The following GPR160 variants were observed in gnomAD, a reference collection of about 807,000 sequenced individuals.
GPR160 encodes G protein-coupled receptor 160, also known as probable G protein-coupled receptor 160.
A neutral mutation model predicts 2.6 loss-of-function variants in GPR160; 2 were observed. The ratio of observed to expected loss-of-function variants is 0.77; its 90% CI spans 0.32 to 2.44. GPR160 has a LOEUF of 2.44. GPR160 is among the 30% of genes most tolerant of loss of function. GPR160 has a pLI of 0.11. For synonymous variants in GPR160, 130 were observed against 132.2 expected, an observed-to-expected ratio of 0.98 and a Z score of 0.12; for missense variants, 351 against 383.6, an observed-to-expected ratio of 0.91 and a Z score of 0.71.
chr3:170,040,758 G>A (rs1443914851), intron 2 of GPR160, among the ~76,000 whole-genome samples: 2 of 152,182 alleles, frequency 1.3e-5, no homozygotes, highest in Non-Finnish European at 2.9e-5. Context: ...TGTATATGAT[G>A]AAAACAAAGC....
chr3:170,066,234 G>T (rs1303451039), intron 2 of GPR160, among the ~76,000 whole-genome samples: 1 of 132,156 alleles, frequency 7.6e-6, no homozygotes, highest in South Asian at 2.6e-4. Flanking sequence ...TCTGCCTCCC[G>T]GGTTCACGCC....
chr3:170,064,106 G>T lies in GPR160; in HGVS notation c.-192-15668G>T, dbSNP rs984547561. On this transcript the variant is annotated intron_variant, in intron 2 of 3. Transcript: ENST00000355897. ...GAAGCGGCTGTATTTTTTTGGGGGG[G>T]GCATTGCTTTTGTTTTTGTAGAAGA... 8.5e-5 allele frequency among the ~76,000 whole-genome samples: 13 copies of T among 152,154 alleles called. No homozygotes were observed. The South Asian group carries it at 2.7e-3, about 32-fold the overall frequency.
chr3:170,070,423 A>G (rs979999858), intron 2 of GPR160, among the ~76,000 whole-genome samples: 1 of 152,144 alleles, frequency 6.6e-6, no homozygotes, highest in South Asian at 2.1e-4. Context: ...GTACTCTTCA[A>G]TTTCCACCTT....
intron 2 of GPR160, among the ~76,000 whole-genome samples, chr3:170,043,701 G>T (rs146296569): frequency 6.6e-6 from 1 of 152,056 alleles, no homozygotes; most frequent in Non-Finnish European, 1.5e-5. Flanking sequence ...GGTAGTCTAG[G>T]CAAACTATCT....
intron 3 of GPR160, among the ~76,000 whole-genome samples, chr3:170,080,669 CG>C (rs1713079116): frequency 6.6e-6 from 1 of 152,138 alleles, no homozygotes; most frequent in Non-Finnish European, 1.5e-5. Flanking sequence ...AATGATGAAA[CG>C]GGAACTTGGA....
At chr3:170,062,538 C>T (rs1289213376) in intron 2 of GPR160, 14 of 687,484 alleles carry the variant, frequency 2.0e-5, no homozygotes, top group Non-Finnish European at 3.7e-5. Context: ...GAAGCCCAAG[C>T]ACAGAAGATC....
At chr3:170,052,507 A>C (rs185317011) in intron 2 of GPR160, among the ~76,000 whole-genome samples, 1 of 152,240 alleles carries the variant, frequency 6.6e-6, no homozygotes, top group Admixed American at 6.5e-5. Flanking sequence ...TTTGTTTGCT[A>C]TTGGCCATTT....
At position 170,084,076 on chromosome 3, in the gene GPR160, A is replaced by C; in HGVS notation, c.104A>C (p.Lys35Thr). Reference sequence around the variant, plus strand: ...CTGCTATTCTTGATCATACTTGGGAAAATATTATTAAATATCCTTACACTA... The same window carrying C: ...CTGCTATTCTTGATCATACTTGGGACAATATTATTAAATATCCTTACACTA... ...NYLLFLIILG[K>T]ILLNILTLGM... is the part of the protein sequence containing the mutation. The change falls in exon 4 of 4, where the codon AAA (lysine) becomes ACA (threonine). Residue 35 changes from lysine to threonine, a missense_variant. Transcript: ENST00000355897. 1 of 1,587,880 alleles carries C rather than the reference A, an allele frequency of 6.3e-7. No homozygotes were observed. The highest frequency in any genetic ancestry group is 8.6e-7 in the Non-Finnish European group (1 of 1,164,242).
Position 170,084,811 on chromosome 3 carries a change from T to A in GPR160, c.839T>A (p.Leu280Ter). Residue 280 changes from leucine (L) to a stop codon, truncating the protein, a stop_gained, in exon 4 of 4, where the codon TTA becomes TAA. Coordinates refer to ENST00000355897, the MANE Select transcript of GPR160 (RefSeq NM_014373.3). LOFTEE classifies it high-confidence loss of function. Reference sequence around the variant, plus strand: ...TATATTGAGATGAATATTCCCTGGTTATACTTTGTCAATAGTTTTCTCATT... The same window carrying A: ...TATATTGAGATGAATATTCCCTGGTAATACTTTGTCAATAGTTTTCTCATT... ...PAYIEMNIPW[L>*]YFVNSFLIAT... 9 of 1,608,466 alleles carry A rather than the reference T, an allele frequency of 5.6e-6. No homozygotes were observed. Among genetic ancestry groups the A allele is most frequent in the Non-Finnish European group, 7.7e-6 (9 of 1,175,466 alleles).
At chr3:170,044,856 C>T (rs188170172) in intron 2 of GPR160, among the ~76,000 whole-genome samples, 2 of 152,230 alleles carry the variant, frequency 1.3e-5, no homozygotes, top group African/African-American at 4.8e-5. Flanking sequence ...AGGCACAGCC[C>T]CCCAAGAAAG....
At chr3:170,048,083 C>T (rs945626883) in intron 2 of GPR160, among the ~76,000 whole-genome samples, 2 of 152,202 alleles carry the variant, frequency 1.3e-5, no homozygotes, top group African/African-American at 4.8e-5. Flanking sequence ...CCCGCCTTGG[C>T]CTCCCAAAGT....
intron 2 of GPR160, among the ~76,000 whole-genome samples, chr3:170,053,252 CT>C (rs1189571601): frequency 1.3e-5 from 2 of 152,080 alleles, no homozygotes; most frequent in Non-Finnish European, 2.9e-5. Flanking sequence ...TAATATTAAT[CT>C]TCTTATCCAT....
chr3:170,084,072 G>C lies in GPR160; in HGVS notation c.100G>C (p.Gly34Arg), dbSNP rs779646756. The part of the protein sequence containing the change: ...VNYLLFLIIL[G>R]KILLNILTLG... ...CTATCTGCTATTCTTGATCATACTT[G>C]GGAAAATATTATTAAATATCCTTAC... The change falls in exon 4 of 4, where the codon GGG becomes CGG. Residue 34 changes from glycine (G) to arginine (R), a missense_variant. By Grantham distance (125) the Gly-to-Arg change is moderately radical (BLOSUM62 -2). Coordinates refer to ENST00000355897, the MANE Select transcript of GPR160 (RefSeq NM_014373.3). The C allele has an allele frequency of 2.5e-6, 4 of 1,587,936 alleles. No homozygotes were observed. In the South Asian group the frequency reaches 4.6e-5, roughly 18 times the overall value.
chr3:170,078,165 ACC>A (rs1254118476), intron 2 of GPR160, among the ~76,000 whole-genome samples: 1 of 152,204 alleles, frequency 6.6e-6, no homozygotes, highest in Non-Finnish European at 1.5e-5. Context: ...GGCACGTTAG[ACC>A]TAGAGCTCTG....
intron 2 of GPR160, among the ~76,000 whole-genome samples, chr3:170,059,924 A>G (rs1711853323): frequency 6.6e-6 from 1 of 152,148 alleles, no homozygotes; most frequent in Admixed American, 6.6e-5. Context: ...GTGGGAGATG[A>G]TCTTTCAAGT....
chr3:170,075,014 T>G (rs1238085079), intron 2 of GPR160, among the ~76,000 whole-genome samples: 3 of 152,056 alleles, frequency 2.0e-5, no homozygotes, highest in African/African-American at 4.8e-5. Context: ...TCACTTTAAG[T>G]CAGGAATTCG....
At chr3:170,054,760 G>C (rs563714684) in intron 2 of GPR160, among the ~76,000 whole-genome samples, 43 of 151,340 alleles carry the variant, frequency 2.8e-4, no homozygotes, top group Non-Finnish European at 5.6e-4. Context: ...ATGTCTTACG[G>C]GTTCTTCCAC....
chr3:170,075,064 T>C (rs2108343140), intron 2 of GPR160, among the ~76,000 whole-genome samples: 1 of 152,132 alleles, frequency 6.6e-6, no homozygotes, highest in East Asian at 1.9e-4. Context: ...CCATCTCTAC[T>C]AAGAATAACA....
chr3:170,040,905 G>C (rs575025547), intron 2 of GPR160, among the ~76,000 whole-genome samples: 2 of 152,214 alleles, frequency 1.3e-5, no homozygotes, highest in Non-Finnish European at 2.9e-5. Context: ...TAAAAGTTCT[G>C]CATGGTGGTA....
Sources: allele counts gnomAD v4.1 joint callset (sites outside exome capture counted in the v4.1 genomes callset), GRCh38; gene constraint gnomAD v4.1.1; transcripts MANE v1.5; gene names NCBI Gene and HGNC (gene_info 2026-07-23, HGNC 2026-07-21).